The following APOB variants were observed in gnomAD, a reference collection of about 807,000 sequenced individuals.
APOB encodes the protein apolipoprotein B-100.
Under a neutral mutation model 314.1 loss-of-function variants are expected in APOB, and 153 were observed. The observed-to-expected ratio is 0.49, with a 90% CI of 0.43 to 0.56. The LOEUF (loss-of-function observed/expected upper bound fraction) is 0.56, where lower values mean the gene tolerates loss of function less well. APOB is among the 20% of genes least tolerant of loss of function. The pLI, the probability that APOB is intolerant of heterozygous loss-of-function variation, is 0.00. For synonymous variants in APOB, 2,087 were observed against 2,036.4 expected (o/e 1.02, Z -0.67); for missense variants, 5,430 against 5,350.7 (o/e 1.01, Z -0.46).
rs1662974220 is a variant in APOB, at chr2:21,001,436, C to G, written c.*294G>C. The G allele has an allele frequency of 2.8e-6, 1 of 353,500 alleles. No homozygotes were observed. The allele number at this position is 353,500 out of a possible 1,614,324, so 21.9% of individuals were successfully genotyped here. A position where few individuals can be genotyped will look rare whatever the true frequency, so the allele number is the denominator to read the frequency against. On this transcript the variant is annotated 3_prime_UTR_variant, in exon 29 of 29. Transcript: ENST00000233242. The stretch of plus-strand genomic sequence containing the variant: ...ATGAGCCACATTCAGTGGTATGATA[C>G]ACAATAAAGACTCCATTTATTTGTT...
intron 24 of APOB, 94 bp from the exon 25 acceptor site, chr2:21,013,627 C>T (rs1170371300): frequency 6.4e-7 from 1 of 1,564,692 alleles, no homozygotes; most frequent in Non-Finnish European, 8.8e-7. Context: ...TGTACTTGCC[C>T]CATTCCCAAA....
At position 21,037,219 on chromosome 2, in the gene APOB, C is replaced by T. The variant is rs200662943; in HGVS notation, c.574G>A (p.Val192Ile). ...GCCACATTGCCCTTCCTCGTCTTGA[C>T]GGTAAAGTGAGTGGAGCAGTTTCCA... is the stretch of plus-strand genomic sequence containing the variant. Reference protein sequence around the residue: ...VYGNCSTHFTVKTRKGNVATE... With the variant: ...VYGNCSTHFTIKTRKGNVATE... The change falls in exon 6 of 29, where the codon GTC (valine) becomes ATC (isoleucine). Residue 192 changes from valine (V) to isoleucine (I), a missense_variant. Around this residue, in one of 3 missense-constraint regions of APOB, gnomAD observed 2,085 missense variants for 2,079.7 expected, o/e 1.00. Coordinates refer to ENST00000233242, the MANE Select transcript of APOB (RefSeq NM_000384.3). 205 of 1,614,074 alleles carry T rather than the reference C, an allele frequency of 1.3e-4. 1 individual carries two copies. The Middle Eastern group carries it at 2.6e-3, about 21-fold the overall frequency.
intron 9 of APOB, 105 bp from the exon 10 acceptor site, chr2:21,032,686 A>G (rs1663910605): frequency 1.3e-6 from 1 of 782,902 alleles, no homozygotes; most frequent in South Asian, 1.5e-5. Context: ...CACCTCATTC[A>G]CTATTCAAAT....
Position 21,008,313 on chromosome 2 carries a change from C to A in APOB, c.8555G>T (p.Gly2852Val). The A allele has an allele frequency of 6.2e-7, 1 of 1,613,014 alleles. No homozygotes were observed. The highest frequency in any genetic ancestry group is 8.5e-7 in the Non-Finnish European group (1 of 1,179,214). The change falls in exon 26 of 29, where the codon GGA (glycine) becomes GTA (valine). Residue 2852 changes from glycine to valine, a missense_variant. Gly to Val is a moderately radical substitution (Grantham distance 109, BLOSUM62 -3). Coordinates refer to ENST00000233242, the MANE Select transcript of APOB (RefSeq NM_000384.3). ...TAAACTTGCCACTGTGTTTGATTTT[C>A]CCTCAATAGCATTTCCAAAAAACAG... ...EMLFFGNAIEGKSNTVASLHT... is the reference protein window; with the variant it reads ...EMLFFGNAIEVKSNTVASLHT...
chr2:21,037,006 G>A (rs1664017748), intron 6 of APOB, 94 bp downstream of exon 6: 1 of 1,507,252 alleles, frequency 6.6e-7, no homozygotes. Context: ...AGGGCAGGCT[G>A]TCCTCAAAGG....
At chr2:21,012,784 T>C (rs1364227619) in intron 25 of APOB, 133 bp from the exon 26 acceptor site, 1 of 977,798 alleles carries the variant, frequency 1.0e-6, no homozygotes, top group African/African-American at 1.6e-5. Context: ...CCATCTGTAA[T>C]GCAAAGATAA....
At position 21,029,966 on chromosome 2, in the gene APOB, T is replaced by C. The variant is rs886804701; in HGVS notation, c.1402A>G (p.Asn468Asp). The C allele has an allele frequency of 3.7e-6, 6 of 1,614,070 alleles. No individual in the cohort carries two copies. Among genetic ancestry groups the C allele is most frequent in the Middle Eastern group, 1.7e-4 (1 of 6,060 alleles). The stretch of plus-strand genomic sequence containing the variant: ...TCTTGAATCTGTTCCATCAGGTAAT[T>C]AGCAATGTCCAGCAGCTCCTGGGTC... ...TGTQELLDIA[N>D]YLMEQIQDDC... The change falls in exon 11 of 29, where the codon AAT (asparagine) becomes GAT (aspartate). Residue 468 changes from asparagine (N) to aspartate (D), a missense_variant. Around this residue, in one of 3 missense-constraint regions of APOB, gnomAD observed 2,085 missense variants for 2,079.7 expected, o/e 1.00. Transcript: ENST00000233242.
intron 28 of APOB, 97 bp downstream of exon 28, chr2:21,004,170 AGT>A: frequency 7.6e-7 from 1 of 1,309,474 alleles, no homozygotes; most frequent in Non-Finnish European, 1.1e-6. Flanking sequence ...TCTTTCACCT[AGT>A]TTGGGGAATC....
chr2:21,010,190 G>T lies in APOB; in HGVS notation c.6678C>A (p.Ile2226=), dbSNP rs1191448462. The T allele has an allele frequency of 6.3e-6, 10 of 1,594,880 alleles. No individual in the cohort carries two copies. The highest frequency in any genetic ancestry group is 7.7e-6 in the Non-Finnish European group (9 of 1,167,062). ...TTTCAATAAACAAATGTAGATCATG[G>T]ATTGTTTTTACTAAATTTACACGGA... ...YHIRVNLVKT[I]HDLHLFIENI... is the part of the protein sequence containing the mutation. Residue 2226 remains isoleucine (I), a synonymous_variant, in exon 26 of 29, where the codon ATC becomes ATA. Coordinates refer to ENST00000233242, the MANE Select transcript of APOB (RefSeq NM_000384.3).
At chr2:21,005,036 T>C (rs773445091) in intron 26 of APOB, 44 bp downstream of exon 26, 1 of 1,603,854 alleles carries the variant, frequency 6.2e-7, no homozygotes, top group African/African-American at 1.3e-5. Flanking sequence ...TAACTCTCAT[T>C]GAAAATATAC....
At chr2:21,043,702 C>T in intron 1 of APOB, 151 bp from the exon 2 acceptor site, 2 of 1,504,084 alleles carry the variant, frequency 1.3e-6, no homozygotes, top group Middle Eastern at 1.7e-4. Context: ...CCCGCGCCCC[C>T]CATCCTGAGC....
At chr2:21,041,233 A>G (rs1664125912) in intron 3 of APOB, 150 bp from the exon 4 acceptor site, 2 of 788,316 alleles carry the variant, frequency 2.5e-6, no homozygotes, top group African/African-American at 3.4e-5. Flanking sequence ...TGCCTTATCA[A>G]CATGCCTCCT....
In APOB at chr2:21,008,531, A is replaced by T; in HGVS notation, c.8337T>A (p.Asn2779Lys). The part of the protein sequence containing the change: ...FTLDANADIG[N>K]GTTSANEAGI... ...CTGCTTCGTTTGCTGAGGTGGTTCC[A>T]TTCCCTATGTCAGCATTTGCATCTA... is the stretch of plus-strand genomic sequence containing the variant. The change falls in exon 26 of 29, where the codon AAT (asparagine) becomes AAA (lysine). Residue 2779 changes from asparagine to lysine, a missense_variant. Around this residue, in one of 3 missense-constraint regions of APOB, gnomAD observed 3,281 missense variants for 3,171.0 expected, o/e 1.03. Transcript: ENST00000233242. 1 of 1,614,088 alleles carries T rather than the reference A, an allele frequency of 6.2e-7. No individual in the cohort carries two copies. The highest frequency in any genetic ancestry group is 1.1e-5 in the South Asian group (1 of 91,078).
At position 21,008,936 on chromosome 2, in the gene APOB, C is replaced by T; in HGVS notation, c.7932G>A (p.Arg2644=). The T allele has an allele frequency of 6.2e-7, 1 of 1,613,970 alleles. No homozygotes were observed. Among genetic ancestry groups the T allele is most frequent in the Non-Finnish European group, 8.5e-7 (1 of 1,179,922 alleles). Residue 2644 remains arginine, a synonymous_variant, in exon 26 of 29, where the codon AGG becomes AGA. Transcript: ENST00000233242. ...GGATGGTAAATTCTGGTGTGGAAAA[C>T]CTGGATGGGATTTTTATATTTTTTA... is the stretch of plus-strand genomic sequence containing the variant. ...KDLKNIKIPS[R]FSTPEFTILN... is the part of the protein sequence containing the mutation.
chr2:21,026,063 A>C (rs1374967932), intron 15 of APOB, among the ~76,000 whole-genome samples: 1 of 152,226 alleles, frequency 6.6e-6, no homozygotes, highest in Non-Finnish European at 1.5e-5. Context: ...CAATGCCAGC[A>C]TCAGGCACTG....
chr2:21,028,731 A>G (rs372121495), intron 12 of APOB, among the ~76,000 whole-genome samples, 193 bp from the exon 13 acceptor site: 259 of 152,350 alleles, frequency 1.7e-3, no homozygotes, highest in African/African-American at 6.1e-3. Flanking sequence ...GTTCCCAGAA[A>G]AAGCCTGTGG....
At position 21,009,912 on chromosome 2, in the gene APOB, T is replaced by C. The variant is rs1199745106; in HGVS notation, c.6956A>G (p.His2319Arg). ...ATCCCCAATAAGATTTATAACAAAG[T>C]GTTTGACATGCTCAAGAATGTCATT... ...RINDILEHVK[H>R]FVINLIGDFE... The change falls in exon 26 of 29, where the codon CAC (histidine) becomes CGC (arginine). Residue 2319 changes from histidine (H) to arginine (R), a missense_variant. Around this residue, in one of 3 missense-constraint regions of APOB, gnomAD observed 3,281 missense variants for 3,171.0 expected, o/e 1.03. Coordinates refer to ENST00000233242, the MANE Select transcript of APOB (RefSeq NM_000384.3). 1 of 1,613,976 alleles carries C rather than the reference T, an allele frequency of 6.2e-7. No individual in the cohort carries two copies.
At position 21,003,040 on chromosome 2, in the gene APOB, C is replaced by A. The variant is rs1801703; in HGVS notation, c.12382G>T (p.Val4128Leu). 3.2e-6 allele frequency: 5 copies of A among 1,567,458 alleles called. No individual in the cohort carries two copies. Among genetic ancestry groups the A allele is most frequent in the Non-Finnish European group, 4.3e-6 (5 of 1,157,202 alleles). The change falls in exon 29 of 29, where the codon GTG becomes TTG. Residue 4128 changes from valine (V) to leucine (L), a missense_variant. Coordinates refer to ENST00000233242, the MANE Select transcript of APOB (RefSeq NM_000384.3). Reference protein sequence around the residue: ...GAIRQIDDIDVRFQKAASGTT... With the variant: ...GAIRQIDDIDLRFQKAASGTT... ...CCACTGGCTGCTTTCTGGAACCTCA[C>A]GTCGATATCATCAATTTGCCTAATG... is the stretch of plus-strand genomic sequence containing the variant.
chr2:21,026,523 C>T (rs1056398148), intron 15 of APOB, among the ~76,000 whole-genome samples: 35 of 152,054 alleles, frequency 2.3e-4, no homozygotes, highest in African/African-American at 8.2e-4. Context: ...GCTGGGATTA[C>T]AGGCATGAAC....
Sources: gnomAD v4.1 joint callset for allele counts (sites outside exome capture counted in the v4.1 genomes callset) on GRCh38, gnomAD v4.1.1 for gene constraint, gnomAD v4.1.1 regional missense constraint, MANE v1.5 for transcripts, NCBI Gene and HGNC (gene_info 2026-07-23, HGNC 2026-07-21) for gene names.